Variants in CPAMD8 observed in about 807,000 individuals in gnomAD.
The protein encoded by CPAMD8 is C3 and PZP like alpha-2-macroglobulin domain containing 8.
In CPAMD8, 146 loss-of-function variants were observed where a neutral mutation model predicts 224.7. The observed-to-expected ratio is 0.65, with a 90% CI of 0.57 to 0.75. CPAMD8 has a LOEUF of 0.75. Ranked by LOEUF, CPAMD8 falls within the 30% of genes least tolerant of loss-of-function variation. CPAMD8 has a pLI of 0.00. For missense variants in CPAMD8, 2,301 were observed against 2,537.5 expected, an observed-to-expected ratio of 0.91 and a Z score of 2.00; for synonymous variants, 966 against 1,044.6, an observed-to-expected ratio of 0.92 and a Z score of 1.45.
In CPAMD8 at chr19:16,895,935, GTGCGCC is replaced by G. The variant is rs2051955995; in HGVS notation, c.5426+235_5426+240del. On this transcript the variant is annotated intron_variant, in intron 41 of 41. Transcript: ENST00000443236. ...CACACACACACACACACACGCGCGC[GTGCGCC>G]CGCGCACAGCTGTTCGCTGGTGGGT... 3 of 657,144 alleles carry G rather than the reference GTGCGCC, an allele frequency of 4.6e-6. No individual in the cohort carries two copies. The East Asian group carries it at 8.7e-5, about 19-fold the overall frequency. The allele number at this position is 657,144 out of a possible 1,614,324, so 40.7% of individuals were successfully genotyped here.
intron 15 of CPAMD8, 104 bp downstream of exon 15, chr19:16,977,264 C>A: frequency 1.4e-6 from 1 of 716,846 alleles, no homozygotes; most frequent in Non-Finnish European, 2.4e-6. Context: ...CATCATGCTG[C>A]GACACAACAT....
At position 16,907,015 on chromosome 19, in the gene CPAMD8, G is replaced by A. The variant is rs1430304895; in HGVS notation, c.3964C>T (p.Leu1322=). 3 of 1,607,222 alleles carry A rather than the reference G, an allele frequency of 1.9e-6. No individual in the cohort carries two copies. Among genetic ancestry groups the A allele is most frequent in the South Asian group, 2.2e-5 (2 of 88,912 alleles). ...SCALTTYALT[L]LRSPAAPEAL... Reference sequence around the variant, plus strand: ...TCAGGGGCTGCCGGGCTGCGGAGCAGGGTCAGCGCGTAGGTAGTCAGGGCA... The same window carrying A: ...TCAGGGGCTGCCGGGCTGCGGAGCAAGGTCAGCGCGTAGGTAGTCAGGGCA... The change falls in exon 30 of 42, where the codon CTG becomes TTG. Residue 1322 remains leucine (L), a synonymous_variant. Transcript: ENST00000443236.
At chr19:16,984,858 C>T (rs760793177) in intron 13 of CPAMD8, among the ~76,000 whole-genome samples, 5 of 152,180 alleles carry the variant, frequency 3.3e-5, no homozygotes, top group Admixed American at 6.6e-5. Context: ...AGTACATACA[C>T]ATGGGTGAGC....
At position 16,945,642 on chromosome 19, in the gene CPAMD8, C is replaced by A. The variant is rs1222772851; in HGVS notation, c.2700G>T (p.Arg900=). ...CAGGGTGTTTGCTGGACCTCCCATC[C>A]CGGCAGCAATTTGTGTCTCCGTAAG... ...ALAYGDTNCC[R]DGRSSKHPEE... Residue 900 remains arginine (R), a synonymous_variant, in exon 22 of 42, where the codon CGG becomes CGT. Transcript: ENST00000443236. 2.5e-6 allele frequency: 4 copies of A among 1,614,052 alleles called. No homozygotes were observed. The African/African-American group carries it at 4.0e-5, about 16-fold the overall frequency.
intron 41 of CPAMD8, 104 bp from the exon 42 acceptor site, chr19:16,893,443 G>T: frequency 1.3e-6 from 1 of 776,564 alleles, no homozygotes; most frequent in Non-Finnish European, 2.0e-6. Context: ...GGTGCCAGGG[G>T]TGGGGAACCC....
At chr19:16,967,372 G>A (rs935568573) in intron 18 of CPAMD8, among the ~76,000 whole-genome samples, 1 of 151,982 alleles carries the variant, frequency 6.6e-6, no homozygotes, top group African/African-American at 2.4e-5. Flanking sequence ...ATAGCATTAG[G>A]AGTAATACCT....
Position 16,952,094 on chromosome 19 carries a change from C to A in CPAMD8, c.2383G>T (p.Glu795Ter). 1 of 1,557,656 alleles carries A rather than the reference C, an allele frequency of 6.4e-7. No homozygotes were observed. Among genetic ancestry groups the A allele is most frequent in the Non-Finnish European group, 8.7e-7 (1 of 1,149,476 alleles). ...TTGAAGGTCTTCAGCAGGGAGGGCT[C>A]GGCGATGCCTAAGCCCTGAGAGGTG... ...LSTSQGLGIA[E>*]PSLLKTFKPF... Residue 795 changes from glutamate to a stop codon, truncating the protein, a stop_gained, in exon 20 of 42, where the codon GAG (glutamate) becomes TAG (stop). Transcript: ENST00000443236. LOFTEE classifies it high-confidence loss of function.
chr19:16,987,410 G>T (rs1171118694), intron 13 of CPAMD8, among the ~76,000 whole-genome samples: 2 of 151,494 alleles, frequency 1.3e-5, no homozygotes, highest in African/African-American at 4.8e-5. Flanking sequence ...TACTGAACGT[G>T]AAGATGACAA....
At position 16,947,143 on chromosome 19, in the gene CPAMD8, C is replaced by T. The variant is rs2054130805; in HGVS notation, c.2593G>A (p.Ala865Thr). The T allele has an allele frequency of 3.1e-6, 5 of 1,613,728 alleles. No individual in the cohort carries two copies. The highest frequency in any genetic ancestry group is 4.2e-6 in the Non-Finnish European group (5 of 1,179,770). Residue 865 changes from alanine (A) to threonine (T), a missense_variant, in exon 21 of 42, where the codon GCC becomes ACC. Ala to Thr is a moderately conservative substitution (Grantham distance 58). Around this residue, in one of 4 missense-constraint regions of CPAMD8, gnomAD observed 1,709 missense variants for 1,753.2 expected, o/e 0.97. Transcript: ENST00000443236. ...KRHVTKKMCV[A>T]PGEAEPIWVV... is the part of the protein sequence containing the mutation. ...CAGATGGGCTCAGCCTCCCCGGGGG[C>T]CACACACATCTTCTTGGTCACATGG...
At chr19:16,950,115 T>C (rs1368795985) in intron 20 of CPAMD8, among the ~76,000 whole-genome samples, 1 of 151,686 alleles carries the variant, frequency 6.6e-6, no homozygotes, top group African/African-American at 2.4e-5. Flanking sequence ...CTGGCCAACA[T>C]AGTGAAACCC....
Position 16,910,109 on chromosome 19 carries a change from C to T in CPAMD8, c.3862-2992G>A, listed in dbSNP as rs545240011. On this transcript the variant is annotated intron_variant, in intron 29 of 41. Coordinates refer to ENST00000443236, the MANE Select transcript of CPAMD8 (RefSeq NM_015692.5). ...CCATGTGATCCACCTGCCTCAGCCT[C>T]CCAAAGTGCTGAGATTATAGGCATG... Among the ~76,000 whole-genome samples the T allele has an allele frequency of 7.2e-5, 11 of 152,268 alleles. 1 individual carries two copies. In the East Asian group the frequency reaches 2.1e-3, roughly 29 times the overall value.
intron 24 of CPAMD8, among the ~76,000 whole-genome samples, 167 bp downstream of exon 24, chr19:16,928,775 T>G (rs1295285032): frequency 6.6e-6 from 1 of 151,796 alleles, no homozygotes; most frequent in African/African-American, 2.4e-5. Context: ...ACATGTTTTT[T>G]TTTTTTTTTC....
chr19:16,932,306 A>G (rs192766717), intron 23 of CPAMD8, among the ~76,000 whole-genome samples: 1 of 151,992 alleles, frequency 6.6e-6, no homozygotes. Context: ...TTGTAGTCCT[A>G]GCTTCTTGGG....
intron 11 of CPAMD8, among the ~76,000 whole-genome samples, chr19:16,993,968 T>C: frequency 6.6e-6 from 1 of 152,072 alleles, no homozygotes; most frequent in East Asian, 1.9e-4. Context: ...TCAGGTGTGG[T>C]GGCATGCACC....
chr19:17,026,550 C>G lies in CPAMD8; in HGVS notation c.92+1G>C. 1.3e-6 allele frequency: 2 copies of G among 1,512,864 alleles called. No individual in the cohort carries two copies. Among genetic ancestry groups the G allele is most frequent in the Non-Finnish European group, 1.8e-6 (2 of 1,139,968 alleles). 93.7% of individuals were successfully genotyped at this position (1,512,864 alleles called of 1,614,324 possible). ...CTCCTCTGTCGCCGGAGGATACTCA[C>G]GGGGCCTGAGGCTGCGCGGCGCGCA... On this transcript the variant is annotated splice_donor_variant, in intron 1 of 41. Transcript: ENST00000443236. LOFTEE classifies it high-confidence loss of function.
intron 10 of CPAMD8, among the ~76,000 whole-genome samples, chr19:16,999,632 A>ATGGG (rs1045707979): frequency 3.9e-5 from 6 of 151,906 alleles, no homozygotes; most frequent in African/African-American, 1.5e-4. Context: ...TACACTCTAC[A>ATGGG]TGGGTGAATT....
chr19:17,012,819 C>T (rs1178862052), intron 3 of CPAMD8, among the ~76,000 whole-genome samples: 1 of 152,190 alleles, frequency 6.6e-6, no homozygotes, highest in Admixed American at 6.6e-5. Context: ...ACCTGGATCC[C>T]TTGATATACA....
intron 3 of CPAMD8, among the ~76,000 whole-genome samples, chr19:17,017,244 A>T (rs945681349): frequency 6.6e-6 from 1 of 152,126 alleles, no homozygotes; most frequent in Non-Finnish European, 1.5e-5. Flanking sequence ...CCCAGGTGGG[A>T]CCATCTAGTT....
At chr19:16,943,137 T>C (rs1486543717) in intron 22 of CPAMD8, among the ~76,000 whole-genome samples, 1 of 151,254 alleles carries the variant, frequency 6.6e-6, no homozygotes, top group Non-Finnish European at 1.5e-5. Context: ...CTCCTCAGCC[T>C]CCTGAGGAGC....
Sources: gnomAD v4.1 joint callset for allele counts (sites outside exome capture counted in the v4.1 genomes callset) on GRCh38, gnomAD v4.1.1 for gene constraint, gnomAD v4.1.1 regional missense constraint, MANE v1.5 for transcripts, NCBI Gene and HGNC (gene_info 2026-07-23, HGNC 2026-07-21) for gene names.